TRAPPC9: variants seen among roughly 807,000 people sequenced by gnomAD.
The protein encoded by TRAPPC9 is IKK2 binding protein.
A neutral mutation model predicts 124.0 loss-of-function variants in TRAPPC9; 83 were observed. The observed-to-expected ratio is 0.67, with a 90% CI of 0.56 to 0.80. The LOEUF is 0.80. Among genes scored for constraint, TRAPPC9 ranks in the 30% least tolerant of loss-of-function variants. The pLI, the probability that TRAPPC9 is intolerant of heterozygous loss-of-function variation, is 0.00. For synonymous variants in TRAPPC9, 638 were observed against 617.5 expected (o/e 1.03, Z -0.49); for missense variants, 1,302 against 1,508.3 (o/e 0.86, Z 2.27).
At chr8:139,921,388 A>T (rs1325474850) in intron 19 of TRAPPC9, among the ~76,000 whole-genome samples, 1 of 152,176 alleles carries the variant, frequency 6.6e-6, no homozygotes, top group Non-Finnish European at 1.5e-5. Flanking sequence ...TGAATCAGAA[A>T]CAAGCCCTTA....
At chr8:140,419,690 C>G (rs2070127531) in intron 5 of TRAPPC9, among the ~76,000 whole-genome samples, 2 of 151,628 alleles carry the variant, frequency 1.3e-5, no homozygotes, top group Admixed American at 1.3e-4. Context: ...TCAAAACCAT[C>G]CTGGCTAACA....
intron 17 of TRAPPC9, 75 bp from the exon 18 acceptor site, chr8:140,024,154 G>A (rs1468665253): frequency 1.6e-5 from 25 of 1,564,722 alleles, no homozygotes; most frequent in Admixed American, 5.0e-5. Context: ...GGAGGCAAGC[G>A]GCTTCGCTTA....
intron 17 of TRAPPC9, among the ~76,000 whole-genome samples, chr8:140,036,841 A>AT (rs1042531120): frequency 2.6e-5 from 4 of 151,878 alleles, no homozygotes; most frequent in Admixed American, 6.6e-5. Context: ...CATTATTGTT[A>AT]TTTTTTTTAT....
chr8:140,297,878 GA>G (rs1280884450), intron 11 of TRAPPC9, among the ~76,000 whole-genome samples: 1 of 152,236 alleles, frequency 6.6e-6, no homozygotes, highest in Non-Finnish European at 1.5e-5. Flanking sequence ...CGAGGGTGAG[GA>G]CTGTGAGGTC....
intron 17 of TRAPPC9, among the ~76,000 whole-genome samples, chr8:140,168,560 G>C (rs568050571): frequency 2.0e-5 from 3 of 152,350 alleles, no homozygotes; most frequent in East Asian, 3.9e-4. Context: ...TGGATGCTGA[G>C]TAACTGCTGC....
At chr8:139,870,229 G>A (rs1563878052) in intron 21 of TRAPPC9, among the ~76,000 whole-genome samples, 1 of 152,132 alleles carries the variant, frequency 6.6e-6, no homozygotes, top group Non-Finnish European at 1.5e-5. Context: ...ACAAAGGGAG[G>A]ACCCATGCCG....
At chr8:140,278,317 G>A (rs1405278930) in intron 14 of TRAPPC9, among the ~76,000 whole-genome samples, 1 of 152,148 alleles carries the variant, frequency 6.6e-6, no homozygotes, top group African/African-American at 2.4e-5. Context: ...TGTTGGCCAG[G>A]CCGGTCTCGA....
chr8:139,881,521 C>G (rs1829672189), intron 21 of TRAPPC9, among the ~76,000 whole-genome samples: 1 of 152,162 alleles, frequency 6.6e-6, no homozygotes, highest in Admixed American at 6.5e-5. Context: ...GCAAATAGAC[C>G]TGCTCTGGTC....
intron 17 of TRAPPC9, among the ~76,000 whole-genome samples, chr8:140,093,667 T>TA (rs35712232): frequency 0.015 from 2,044 of 137,678 alleles, 29 homozygotes; most frequent in African/African-American, 0.037. Flanking sequence ...GACTTCGTCT[T>TA]AAAAAAAAAA....
intron 4 of TRAPPC9, among the ~76,000 whole-genome samples, chr8:140,428,926 C>G (rs2070526029): frequency 6.6e-6 from 1 of 152,146 alleles, no homozygotes; most frequent in Non-Finnish European, 1.5e-5. Flanking sequence ...ATAACTCTCT[C>G]TGTCCCACCC....
At chr8:140,444,010 T>C (rs1404791473) in intron 2 of TRAPPC9, among the ~76,000 whole-genome samples, 2 of 114,352 alleles carry the variant, frequency 1.7e-5, no homozygotes, top group African/African-American at 7.0e-5. Context: ...CACTCCAGCC[T>C]GGGCGACAGA....
rs146375627 is a variant in TRAPPC9 at position 139,908,409 on chromosome 8, C to T, written c.2964+1738G>A. 2.4e-3 allele frequency among the ~76,000 whole-genome samples: 371 copies of T among 152,244 alleles called. 2 individuals are homozygous for T. Among genetic ancestry groups the T allele is most frequent in the African/African-American group, 7.5e-3 (310 of 41,548 alleles). On this transcript the variant is annotated intron_variant, in intron 20 of 22. Transcript: ENST00000438773. ...CTGCCTCACATAGAGCCTCTCCAAC[C>T]CTCAGCCTATCAGAAAGACCCAACA... is the stretch of plus-strand genomic sequence containing the variant.
intron 17 of TRAPPC9, among the ~76,000 whole-genome samples, chr8:140,049,246 C>A (rs1363275422): frequency 1.3e-5 from 2 of 152,188 alleles, no homozygotes; most frequent in African/African-American, 4.8e-5. Context: ...GCCTGCGGGC[C>A]CAGAGTTGGT....
At chr8:139,888,897 C>G (rs944371465) in intron 20 of TRAPPC9, among the ~76,000 whole-genome samples, 7 of 152,214 alleles carry the variant, frequency 4.6e-5, no homozygotes, top group Non-Finnish European at 1.0e-4. Context: ...TGTGACCCAA[C>G]AGACAGTCTT....
chr8:140,137,130 G>C (rs547123247), intron 17 of TRAPPC9, among the ~76,000 whole-genome samples: 6 of 152,234 alleles, frequency 3.9e-5, no homozygotes, highest in African/African-American at 1.4e-4. Flanking sequence ...CAGGGCTCGG[G>C]CAATGCACAC....
chr8:140,210,053 C>G (rs1252273973), intron 17 of TRAPPC9, among the ~76,000 whole-genome samples: 2 of 152,252 alleles, frequency 1.3e-5, no homozygotes, highest in African/African-American at 4.8e-5. Flanking sequence ...TCTGTAAACA[C>G]TGTCACCGCG....
chr8:140,341,641 T>C (rs939727149), intron 9 of TRAPPC9, among the ~76,000 whole-genome samples: 6 of 151,582 alleles, frequency 4.0e-5, no homozygotes, highest in East Asian at 1.9e-4. Flanking sequence ...AGAGAACTCA[T>C]GTTCACAAAT....
At chr8:140,454,045 T>C (rs2071563541) in intron 1 of TRAPPC9, among the ~76,000 whole-genome samples, 1 of 152,006 alleles carries the variant, frequency 6.6e-6, no homozygotes, top group African/African-American at 2.4e-5. Context: ...TCCCAACACT[T>C]TGGGAGACAG....
chr8:139,880,104 T>G (rs374361897), intron 21 of TRAPPC9, among the ~76,000 whole-genome samples: 1 of 152,164 alleles, frequency 6.6e-6, no homozygotes, highest in South Asian at 2.1e-4. Context: ...CAAACAATGC[T>G]CAAAGAGAAG....
Sources: allele counts gnomAD v4.1 joint callset (sites outside exome capture counted in the v4.1 genomes callset), GRCh38; gene constraint gnomAD v4.1.1; transcripts MANE v1.5; gene names NCBI Gene and HGNC (gene_info 2026-07-23, HGNC 2026-07-21).